Variants in NCK1 observed in about 807,000 individuals in gnomAD.
NCK1 encodes the protein SH2/SH3 adapter protein NCK1.
A neutral mutation model predicts 36.6 loss-of-function variants in NCK1; 19 were observed. The observed-to-expected ratio is 0.52, with a 90% CI of 0.36 to 0.76. The LOEUF (loss-of-function observed/expected upper bound fraction) is 0.76. Among genes scored for constraint, NCK1 ranks in the 30% least tolerant of loss-of-function variants. The pLI is 0.00. For missense variants in NCK1, 358 were observed against 445.6 expected (o/e 0.80, Z 1.77); for synonymous variants, 165 against 156.0 (o/e 1.06, Z -0.43).
At chr3:136,894,664 G>A (rs1424135237) in intron 1 of NCK1, among the ~76,000 whole-genome samples, 2 of 152,034 alleles carry the variant, frequency 1.3e-5, no homozygotes, top group Non-Finnish European at 1.5e-5. Context: ...AGACACTCAG[G>A]GCAGGAAAGG....
In NCK1 at chr3:136,950,113, A is replaced by G. The variant is rs1363532517; in HGVS notation, c.*1660A>G. On this transcript the variant is annotated 3_prime_UTR_variant, in exon 4 of 4. Transcript: ENST00000481752. ...TCATGTATGCTTATCTTTGCTGTAA[A>G]ATCAAATGAATATAAATTGAGGAAA... 6.6e-6 allele frequency among the ~76,000 whole-genome samples: 1 copy of G among 152,112 alleles called. No individual in the cohort carries two copies. The highest frequency in any genetic ancestry group is 2.4e-5 in the African/African-American group (1 of 41,428).
At chr3:136,891,836 A>G (rs1256237800) in intron 1 of NCK1, among the ~76,000 whole-genome samples, 2 of 152,188 alleles carry the variant, frequency 1.3e-5, no homozygotes, top group Admixed American at 6.5e-5. Context: ...CTGTTTGCAT[A>G]TCTTCTTTGG....
At chr3:136,898,982 C>G (rs1158597702) in intron 1 of NCK1, 3 of 153,750 alleles carry the variant, frequency 2.0e-5, no homozygotes, top group East Asian at 3.8e-4. Context: ...ATTACAATAC[C>G]TGCCTCAGAT....
chr3:136,866,296 T>TTTTC lies in NCK1; in HGVS notation c.-19+3959_-19+3962dup, dbSNP rs1476565811. On this transcript the variant is annotated intron_variant, in intron 1 of 3. Transcript: ENST00000481752. ...ATTTTTGTACCTTCGTATCATTCCTTTTTCTTTCTTTCTTTCTTTTTTTTT... is the reference window on the plus strand; with the variant it reads ...ATTTTTGTACCTTCGTATCATTCCTTTTTCTTTCTTTCTTTCTTTCTTTTTTTTT... Among the ~76,000 whole-genome samples the TTTTC allele has an allele frequency of 1.3e-5, 2 of 151,868 alleles. 1 individual carries two copies. Among genetic ancestry groups the TTTTC allele is most frequent in the South Asian group, 4.2e-4 (2 of 4,814 alleles).
At chr3:136,936,256 GT>G (rs961435950) in intron 2 of NCK1, among the ~76,000 whole-genome samples, 1 of 152,166 alleles carries the variant, frequency 6.6e-6, no homozygotes, top group African/African-American at 2.4e-5. Flanking sequence ...GGCCAGGCTG[GT>G]CACGAACTCC....
intron 2 of NCK1, among the ~76,000 whole-genome samples, chr3:136,944,111 CCTTTTTTTTTTTTTTTT>C (rs1398362166): frequency 1.2e-5 from 1 of 80,926 alleles, no homozygotes; most frequent in Non-Finnish European, 2.2e-5. Context: ...GGAAAAACAA[CCTTTTTTTTTTTTTTTT>C]TTTTTTTTTG....
At position 136,865,482 on chromosome 3, in the gene NCK1, G is replaced by T. The variant is rs117617505; in HGVS notation, c.-19+3129G>T. Among the ~76,000 whole-genome samples, 316 of 152,234 alleles carry T rather than the reference G, an allele frequency of 2.1e-3. 5 individuals carry two copies. In the East Asian group the frequency reaches 0.031, roughly 15 times the overall value. On this transcript the variant is annotated intron_variant, in intron 1 of 3. Coordinates refer to ENST00000481752, the MANE Select transcript of NCK1 (RefSeq NM_001291999.2). Reference sequence around the variant, plus strand: ...ACTTTTTCACCATGTGTTTTTCAAAGCTGAAGGTATATTTGATGTGATTAT... The same window carrying T: ...ACTTTTTCACCATGTGTTTTTCAAATCTGAAGGTATATTTGATGTGATTAT...
chr3:136,912,992 C>T (rs529147055), intron 1 of NCK1, among the ~76,000 whole-genome samples: 48 of 152,028 alleles, frequency 3.2e-4, no homozygotes, highest in African/African-American at 1.2e-3. Context: ...ACTCATTTTC[C>T]TACTTTCTTT....
At chr3:136,900,455 C>T (rs1939513198) in intron 1 of NCK1, among the ~76,000 whole-genome samples, 1 of 151,976 alleles carries the variant, frequency 6.6e-6, no homozygotes, top group South Asian at 2.1e-4. Context: ...TCTTCTATTT[C>T]TGTGAAAAAA....
At chr3:136,894,027 T>TA (rs1189492175) in intron 1 of NCK1, among the ~76,000 whole-genome samples, 1 of 152,202 alleles carries the variant, frequency 6.6e-6, no homozygotes, top group Admixed American at 6.5e-5. Flanking sequence ...AGCATGGAAA[T>TA]ACCCTGCATT....
chr3:136,889,964 A>G (rs1028774981), intron 1 of NCK1, among the ~76,000 whole-genome samples: 2 of 152,190 alleles, frequency 1.3e-5, no homozygotes, highest in African/African-American at 4.8e-5. Flanking sequence ...CAGGGGTTGC[A>G]GGTGGAGCTG....
intron 1 of NCK1, among the ~76,000 whole-genome samples, chr3:136,887,761 T>G (rs947904687): frequency 6.6e-6 from 1 of 152,188 alleles, no homozygotes; most frequent in Non-Finnish European, 1.5e-5. Flanking sequence ...GTTTTACCTA[T>G]TTTGTTAAAT....
intron 1 of NCK1, among the ~76,000 whole-genome samples, chr3:136,902,724 A>AG (rs1222836523): frequency 1.3e-5 from 2 of 151,912 alleles, no homozygotes; most frequent in African/African-American, 4.8e-5. Flanking sequence ...ATCAGGCAAG[A>AG]GGGAAAAAAA....
Position 136,949,545 on chromosome 3 carries a change from G to T in NCK1, c.*1092G>T, listed in dbSNP as rs747847948. On this transcript the variant is annotated 3_prime_UTR_variant, in exon 4 of 4. Coordinates refer to ENST00000481752, the MANE Select transcript of NCK1 (RefSeq NM_001291999.2). ...GTTTTTTAACCAAGTAGGAATTTGGGTGTATGGATAAGAGGCCAATCTGCT... is the reference window on the plus strand; with the variant it reads ...GTTTTTTAACCAAGTAGGAATTTGGTTGTATGGATAAGAGGCCAATCTGCT... 3 of 151,902 alleles carry T rather than the reference G, an allele frequency of 2.0e-5. No homozygotes were observed. The highest frequency in any genetic ancestry group is 4.4e-5 in the Non-Finnish European group (3 of 67,862). The allele number at this position is 151,902 out of a possible 1,614,324, so 9.4% of individuals were successfully genotyped here.
rs1018387318 is a variant in NCK1, at chr3:136,950,845, ACT to A, written c.*2394_*2395del. Among the ~76,000 whole-genome samples, 2 of 152,100 alleles carry A rather than the reference ACT, an allele frequency of 1.3e-5. No homozygotes were observed. Among genetic ancestry groups the A allele is most frequent in the African/African-American group, 4.8e-5 (2 of 41,424 alleles). ...CATGTGTCAGATGGAACCCTGCCTAACTCACTTCTACAAATAACTTCCCCAAA... is the reference window on the plus strand; with the variant it reads ...CATGTGTCAGATGGAACCCTGCCTAACACTTCTACAAATAACTTCCCCAAA... On this transcript the variant is annotated 3_prime_UTR_variant, in exon 4 of 4. Transcript: ENST00000481752.
chr3:136,895,069 T>A (rs1266015441), intron 1 of NCK1, among the ~76,000 whole-genome samples: 1 of 152,128 alleles, frequency 6.6e-6, no homozygotes, highest in African/African-American at 2.4e-5. Flanking sequence ...AAGACAGGGT[T>A]TCTCCATCTT....
chr3:136,889,711 T>C (rs905554847), intron 1 of NCK1, among the ~76,000 whole-genome samples: 1 of 152,072 alleles, frequency 6.6e-6, no homozygotes, highest in Non-Finnish European at 1.5e-5. Context: ...CCAGATTAGC[T>C]AGATACAGAA....
intron 2 of NCK1, among the ~76,000 whole-genome samples, chr3:136,931,088 A>G (rs1040517937): frequency 6.6e-6 from 1 of 152,036 alleles, no homozygotes; most frequent in African/African-American, 2.4e-5. Flanking sequence ...TAATTAATGT[A>G]GTATTGCTAG....
intron 1 of NCK1, among the ~76,000 whole-genome samples, chr3:136,910,076 C>T (rs1939796419): frequency 6.6e-6 from 1 of 152,134 alleles, no homozygotes; most frequent in South Asian, 2.1e-4. Context: ...AGAGTAGTTA[C>T]TGATTAGGAG....
Sources: allele counts gnomAD v4.1 joint callset (sites outside exome capture counted in the v4.1 genomes callset), GRCh38; gene constraint gnomAD v4.1.1; transcripts MANE v1.5; gene names NCBI Gene and HGNC (gene_info 2026-07-23, HGNC 2026-07-21).